PKHD1L1: variants seen among roughly 807,000 people sequenced by gnomAD.
PKHD1L1 encodes PKHD1 like 1.
Under a neutral mutation model 462.9 loss-of-function variants are expected in PKHD1L1, and 434 were observed. The observed-to-expected ratio is 0.94, with a 90% confidence interval of 0.87 to 1.02. The LOEUF (loss-of-function observed/expected upper bound fraction) is 1.02, where lower values mean the gene tolerates loss of function less well. Among genes scored for constraint, PKHD1L1 ranks in the 50% least tolerant of loss-of-function variants. PKHD1L1 has a pLI of 0.00. For missense variants in PKHD1L1, 5,202 were observed against 5,096.1 expected, an observed-to-expected ratio of 1.02 and a Z score of -0.63; for synonymous variants, 1,781 against 1,750.0, an observed-to-expected ratio of 1.02 and a Z score of -0.44.
Position 109,452,176 on chromosome 8 carries a change from G to A in PKHD1L1, c.6403G>A (p.Glu2135Lys), listed in dbSNP as rs1288030824. 1 of 1,613,262 alleles carries A rather than the reference G, an allele frequency of 6.2e-7. No individual in the cohort carries two copies. The highest frequency in any genetic ancestry group is 8.5e-7 in the Non-Finnish European group (1 of 1,179,540). The change falls in exon 42 of 78, where the codon GAG (glutamate) becomes AAG (lysine). Residue 2135 changes from glutamate (E) to lysine (K), a missense_variant. Glu to Lys is a moderately conservative substitution (Grantham distance 56). Around this residue, in one of 3 missense-constraint regions of PKHD1L1, gnomAD observed 4,497 missense variants for 4,336.8 expected, o/e 1.04. Transcript: ENST00000378402. The stretch of plus-strand genomic sequence containing the variant: ...CATAGCTGAAGCCAAATGTGATGTT[G>A]AGTATTCCAACAAGACACACATCAT... The part of the protein sequence containing the change: ...ITIAEAKCDV[E>K]YSNKTHIICM...
chr8:109,497,463 C>T (rs1405218624), intron 65 of PKHD1L1, among the ~76,000 whole-genome samples, 191 bp downstream of exon 65: 2 of 142,538 alleles, frequency 1.4e-5, no homozygotes, highest in Non-Finnish European at 3.0e-5. Context: ...GATGGAGTCT[C>T]GCTCCGTAGC....
intron 62 of PKHD1L1, 29 bp from the exon 63 acceptor site, chr8:109,493,632 A>G (rs1311509222): frequency 1.4e-6 from 2 of 1,422,408 alleles, no homozygotes; most frequent in South Asian, 1.2e-5. Flanking sequence ...AGCCTGATGC[A>G]CAGTATTTTT....
At chr8:109,422,578 A>G (rs901773888) in intron 23 of PKHD1L1, among the ~76,000 whole-genome samples, 10 of 152,170 alleles carry the variant, frequency 6.6e-5, no homozygotes, top group Admixed American at 2.0e-4. Flanking sequence ...ATTGCTGAGT[A>G]TATTTACTGT....
At chr8:109,430,182 C>T (rs1290748732) in intron 27 of PKHD1L1, 145 bp downstream of exon 27, 1 of 469,472 alleles carries the variant, frequency 2.1e-6, no homozygotes, top group Non-Finnish European at 3.7e-6. Context: ...ATTAAAAACC[C>T]TATCAGAGAA....
intron 16 of PKHD1L1, 113 bp from the exon 17 acceptor site, chr8:109,406,222 C>A: frequency 1.0e-6 from 1 of 988,466 alleles, no homozygotes; most frequent in Non-Finnish European, 1.4e-6. Context: ...TTACATGGTA[C>A]AGAGTATAGG....
At chr8:109,374,648 C>G (rs1416918995) in intron 2 of PKHD1L1, among the ~76,000 whole-genome samples, 1 of 152,144 alleles carries the variant, frequency 6.6e-6, no homozygotes, top group Non-Finnish European at 1.5e-5. Context: ...TTGGTTGTTC[C>G]TTTCCATGTT....
At chr8:109,407,956 G>T in intron 17 of PKHD1L1, 93 bp from the exon 18 acceptor site, 1 of 842,910 alleles carries the variant, frequency 1.2e-6, no homozygotes. Flanking sequence ...GGCTACATTT[G>T]AGTGTCTATT....
At chr8:109,493,039 T>C (rs2130925823) in intron 62 of PKHD1L1, among the ~76,000 whole-genome samples, 1 of 151,608 alleles carries the variant, frequency 6.6e-6, no homozygotes, top group East Asian at 1.9e-4. Flanking sequence ...TTAATCAAAT[T>C]GGTAACAAAA....
rs1009168006 is a variant in PKHD1L1, at chr8:109,536,765, C to T, written c.*6675C>T. On this transcript the variant is annotated 3_prime_UTR_variant, in exon 78 of 78. Transcript: ENST00000378402. ...TCTAAATTGTTACTAAATTTTGAAT[C>T]TTCCTGTATTTAGCAATAAAAGTTA... is the stretch of plus-strand genomic sequence containing the variant. Among the ~76,000 whole-genome samples, 2 of 152,148 alleles carry T rather than the reference C, an allele frequency of 1.3e-5. No individual in the cohort carries two copies. The highest frequency in any genetic ancestry group is 2.9e-5 in the Non-Finnish European group (2 of 68,012).
At chr8:109,434,804 G>A (rs1190631294) in intron 28 of PKHD1L1, among the ~76,000 whole-genome samples, 7 of 152,004 alleles carry the variant, frequency 4.6e-5, no homozygotes, top group African/African-American at 1.2e-4. Flanking sequence ...CTGATAAAAC[G>A]TAGTATTTTG....
In PKHD1L1 at chr8:109,526,992, T is replaced by G; in HGVS notation, c.12693T>G (p.Ala4231=). The G allele has an allele frequency of 1.2e-6, 2 of 1,612,704 alleles. No homozygotes were observed. The highest frequency in any genetic ancestry group is 8.5e-7 in the Non-Finnish European group (1 of 1,178,914). ...TGTGGCTCTTGGAAATATTTATGGC[T>G]GCAGTTTCAACTTTGAATATAACTT... The part of the protein sequence containing the change: ...GRMWLLEIFM[A]AVSTLNITLR... Residue 4231 remains alanine (A), a synonymous_variant, in exon 77 of 78, where the codon GCT becomes GCG. Coordinates refer to ENST00000378402, the MANE Select transcript of PKHD1L1 (RefSeq NM_177531.6).
rs1814804665 is a variant in PKHD1L1, at chr8:109,427,218, C to T, written c.3000+62C>T. The T allele has an allele frequency of 2.9e-5, 37 of 1,261,316 alleles. No individual in the cohort carries two copies. In the South Asian group the frequency reaches 4.6e-4, roughly 16 times the overall value. 78.1% of individuals were successfully genotyped at this position (1,261,316 alleles called of 1,614,324 possible). On this transcript the variant is annotated intron_variant, in intron 25 of 77. Coordinates refer to ENST00000378402, the MANE Select transcript of PKHD1L1 (RefSeq NM_177531.6). ...GTGCTGTTTGCTTATTTGGACCCTGCCTTATTCCAAAAAGAACTGGAGGCT... is the reference window on the plus strand; with the variant it reads ...GTGCTGTTTGCTTATTTGGACCCTGTCTTATTCCAAAAAGAACTGGAGGCT...
intron 71 of PKHD1L1, among the ~76,000 whole-genome samples, chr8:109,514,311 T>A (rs778987708): frequency 2.0e-5 from 3 of 152,204 alleles, no homozygotes; most frequent in Non-Finnish European, 4.4e-5. Context: ...ACTTTTTTCT[T>A]TTCTCCACAG....
At chr8:109,477,168 T>A in intron 52 of PKHD1L1, 57 bp from the exon 53 acceptor site, 1 of 1,560,486 alleles carries the variant, frequency 6.4e-7, no homozygotes, top group Non-Finnish European at 8.7e-7. Context: ...TAATTTTGTT[T>A]ACATTCAAGT....
chr8:109,414,143 G>A (rs1479492244), intron 21 of PKHD1L1, among the ~76,000 whole-genome samples: 3 of 151,988 alleles, frequency 2.0e-5, no homozygotes, highest in African/African-American at 7.2e-5. Flanking sequence ...TATGTCAGTT[G>A]TGACTGCATT....
chr8:109,479,852 G>C, intron 54 of PKHD1L1, 139 bp from the exon 55 acceptor site: 1 of 940,922 alleles, frequency 1.1e-6, no homozygotes, highest in Non-Finnish European at 1.5e-6. Context: ...GATTTTCTGG[G>C]AGAGATAGGA....
rs761260444 is a variant in PKHD1L1 at position 109,419,245 on chromosome 8, A to G, written c.2509A>G (p.Ile837Val). ...AGTGTACATTGGACACACATCTACA[A>G]TCTCAACATTGGATGGTATGTTGTA... is the stretch of plus-strand genomic sequence containing the variant. ...DVVYIGHTST[I>V]STLDEMPKRR... The change falls in exon 22 of 78, where the codon ATC (isoleucine) becomes GTC (valine). Residue 837 changes from isoleucine (I) to valine (V), a missense_variant. Transcript: ENST00000378402. 6.2e-6 allele frequency: 10 copies of G among 1,604,650 alleles called. No homozygotes were observed. The highest frequency in any genetic ancestry group is 4.5e-5 in the East Asian group (2 of 44,760).
intron 68 of PKHD1L1, among the ~76,000 whole-genome samples, chr8:109,505,893 A>G (rs1268766489): frequency 6.6e-6 from 1 of 152,172 alleles, no homozygotes; most frequent in East Asian, 1.9e-4. Context: ...CAACACAGTG[A>G]GACCCTGTCT....
chr8:109,401,206 C>T (rs1426423938), intron 13 of PKHD1L1, among the ~76,000 whole-genome samples: 1 of 152,026 alleles, frequency 6.6e-6, no homozygotes, highest in East Asian at 1.9e-4. Flanking sequence ...TAAGTATCTT[C>T]TTAGTTTCCA....
Sources: allele counts gnomAD v4.1 joint callset (sites outside exome capture counted in the v4.1 genomes callset), GRCh38; gene constraint gnomAD v4.1.1; regional missense constraint gnomAD v4.1.1; transcripts MANE v1.5; gene names NCBI Gene and HGNC (gene_info 2026-07-23, HGNC 2026-07-21).